The following LMX1B variants were observed in gnomAD, a reference collection of about 807,000 sequenced individuals.
The protein encoded by LMX1B is LIM homeobox transcription factor 1-beta.
In LMX1B, 12 loss-of-function variants were observed where a neutral mutation model predicts 51.4. That is an observed-to-expected ratio of 0.23 (90% CI 0.15 to 0.38). The LOEUF is 0.38. LMX1B is among the 10% of genes least tolerant of loss of function. The pLI is 1.00. For synonymous variants in LMX1B, 237 were observed against 235.4 expected, an observed-to-expected ratio of 1.01 and a Z score of -0.06; for missense variants, 445 against 571.1, an observed-to-expected ratio of 0.78 and a Z score of 2.25.
chr9:126,655,991 A>T (rs550967865), intron 2 of LMX1B, among the ~76,000 whole-genome samples: 29 of 152,306 alleles, frequency 1.9e-4, no homozygotes, highest in African/African-American at 7.0e-4. Context: ...TCAAATCCCT[A>T]GAGTGTACGG....
chr9:126,664,234 C>A (rs921294539), intron 2 of LMX1B, among the ~76,000 whole-genome samples: 1 of 152,224 alleles, frequency 6.6e-6, no homozygotes, highest in Non-Finnish European at 1.5e-5. Context: ...TCCCCTCCCC[C>A]AACGCTCTGT....
chr9:126,615,323 G>C lies in LMX1B; in HGVS notation c.140-60G>C, dbSNP rs1286560840. 1 of 1,358,108 alleles carries C rather than the reference G, an allele frequency of 7.4e-7. No homozygotes were observed. Among genetic ancestry groups the C allele is most frequent in the African/African-American group, 1.5e-5 (1 of 65,862 alleles). The allele number at this position is 1,358,108 out of a possible 1,614,324, so 84.1% of individuals were successfully genotyped here. ...CGAGGGCTGTGGGCCCGGTGCGACC[G>C]GGACGCCGGGGCTGGGCCGGGCGGC... On this transcript the variant is annotated intron_variant, in intron 1 of 7. Coordinates refer to ENST00000373474, the MANE Select transcript of LMX1B (RefSeq NM_001174147.2). This position sits in a 1 kb window ranked among gnomAD's most constrained non-coding sequence, Gnocchi z 6.0.
At chr9:126,691,183 C>T in intron 3 of LMX1B, 115 bp downstream of exon 3, 2 of 728,022 alleles carry the variant, frequency 2.7e-6, no homozygotes, top group South Asian at 3.4e-5. Flanking sequence ...GAGCTGCACA[C>T]AGATGGTACA....
intron 2 of LMX1B, among the ~76,000 whole-genome samples, chr9:126,628,994 A>C (rs202217819): frequency 4.3e-4 from 1 of 2,344 alleles, no homozygotes; most frequent in South Asian, 0.25. Context: ...CAATTAGATT[A>C]AAAAAAAAAA....
In LMX1B at chr9:126,614,602, C is replaced by G. The variant is rs759483901; in HGVS notation, c.139+14C>G. ...GGGTGCTGCTGGGTGAGTGCGGGGT[C>G]GGAACGCCCGAGTGGTCTCGGGCGT... is the stretch of plus-strand genomic sequence containing the variant. On this transcript the variant is annotated intron_variant, in intron 1 of 7. Coordinates refer to ENST00000373474, the MANE Select transcript of LMX1B (RefSeq NM_001174147.2). 1 of 1,568,110 alleles carries G rather than the reference C, an allele frequency of 6.4e-7. No individual in the cohort carries two copies. Among genetic ancestry groups the G allele is most frequent in the African/African-American group, 1.4e-5 (1 of 73,460 alleles).
At position 126,618,812 on chromosome 9, in the gene LMX1B, G is replaced by T. The variant is rs1461738143; in HGVS notation, c.326+3243G>T. On this transcript the variant is annotated intron_variant, in intron 2 of 7. Coordinates refer to ENST00000373474, the MANE Select transcript of LMX1B (RefSeq NM_001174147.2). This position sits in a 1 kb window ranked among gnomAD's most constrained non-coding sequence, Gnocchi z 4.5. ...CTCCGGAAGGGGGGAGGGTCGGTGG[G>T]AGAGTCCAAAAATCTGTCACAAAAT... 6.6e-6 allele frequency among the ~76,000 whole-genome samples: 1 copy of T among 152,156 alleles called. No homozygotes were observed.
chr9:126,636,353 G>T (rs1463226447), intron 2 of LMX1B, among the ~76,000 whole-genome samples: 1 of 152,104 alleles, frequency 6.6e-6, no homozygotes, highest in African/African-American at 2.4e-5. Context: ...TGAGAGCAGA[G>T]GAATTATCCA....
intron 2 of LMX1B, among the ~76,000 whole-genome samples, chr9:126,635,131 C>A (rs1402852447): frequency 6.6e-6 from 1 of 152,200 alleles, no homozygotes; most frequent in Non-Finnish European, 1.5e-5. Context: ...GGACTGACAC[C>A]CAAAACCCAG....
chr9:126,679,718 C>T (rs1259527648), intron 2 of LMX1B, among the ~76,000 whole-genome samples: 1 of 152,140 alleles, frequency 6.6e-6, no homozygotes, highest in Non-Finnish European at 1.5e-5. Context: ...CCAACCTGAC[C>T]CACTATCTTC....
intron 2 of LMX1B, among the ~76,000 whole-genome samples, chr9:126,647,609 G>A (rs1329531950): frequency 2.0e-5 from 3 of 152,206 alleles, no homozygotes; most frequent in Admixed American, 6.5e-5. Flanking sequence ...CAGTGGCTCA[G>A]GGTGCTGAAG....
chr9:126,614,368 G>T lies in LMX1B; in HGVS notation c.-82G>T. 1 of 1,103,570 alleles carries T rather than the reference G, an allele frequency of 9.1e-7. No homozygotes were observed. The allele number at this position is 1,103,570 out of a possible 1,614,324, so 68.4% of individuals were successfully genotyped here. Reference sequence around the variant, plus strand: ...CGGGGGCCGCGCCTCCCCGGTTCCAGGGCCGCGGCGGCGGAGAGCGGGTGG... The same window carrying T: ...CGGGGGCCGCGCCTCCCCGGTTCCATGGCCGCGGCGGCGGAGAGCGGGTGG... On this transcript the variant is annotated 5_prime_UTR_variant, in exon 1 of 8. The change creates a new upstream start codon in the 5' untranslated region. Transcript: ENST00000373474.
chr9:126,679,584 ATGGG>A (rs1193180668), intron 2 of LMX1B, among the ~76,000 whole-genome samples: 10 of 151,868 alleles, frequency 6.6e-5, no homozygotes, highest in African/African-American at 2.2e-4. Flanking sequence ...GCATGGATGG[ATGGG>A]TGGATAAATG....
At chr9:126,636,859 G>A (rs1835721510) in intron 2 of LMX1B, among the ~76,000 whole-genome samples, 2 of 152,220 alleles carry the variant, frequency 1.3e-5, no homozygotes, top group African/African-American at 4.8e-5. Context: ...GTGGCTGTGT[G>A]TGCGTGCATG....
chr9:126,672,995 C>A (rs1432177080), intron 2 of LMX1B, among the ~76,000 whole-genome samples: 1 of 152,264 alleles, frequency 6.6e-6, no homozygotes, highest in Non-Finnish European at 1.5e-5. Flanking sequence ...TCCTCGCCCA[C>A]ACAAAGCAAG....
intron 2 of LMX1B, among the ~76,000 whole-genome samples, chr9:126,663,233 C>T (rs1220134566): frequency 1.3e-5 from 2 of 151,860 alleles, no homozygotes; most frequent in African/African-American, 4.8e-5. Flanking sequence ...TCGAGACCAG[C>T]CTGACCAACA....
At chr9:126,632,708 G>A (rs977629379) in intron 2 of LMX1B, among the ~76,000 whole-genome samples, 1 of 152,146 alleles carries the variant, frequency 6.6e-6, no homozygotes, top group African/African-American at 2.4e-5. Flanking sequence ...GCTTGGAGCT[G>A]GGGTGGCTGG....
At chr9:126,634,847 G>A (rs1459503894) in intron 2 of LMX1B, among the ~76,000 whole-genome samples, 1 of 152,190 alleles carries the variant, frequency 6.6e-6, no homozygotes, top group Non-Finnish European at 1.5e-5. Flanking sequence ...CGAAAGGGGA[G>A]GAGGAGGGCT....
intron 2 of LMX1B, among the ~76,000 whole-genome samples, chr9:126,629,304 G>A (rs564593561): frequency 6.6e-6 from 1 of 152,332 alleles, no homozygotes; most frequent in African/African-American, 2.4e-5. Flanking sequence ...CCTGGAGCAT[G>A]CACGACAGCA....
intron 2 of LMX1B, among the ~76,000 whole-genome samples, chr9:126,647,342 C>G (rs1382510617): frequency 6.6e-6 from 1 of 152,210 alleles, no homozygotes; most frequent in Non-Finnish European, 1.5e-5. Flanking sequence ...ATAACTTCCT[C>G]TGGACATCGT....
Sources: allele counts gnomAD v4.1 joint callset (sites outside exome capture counted in the v4.1 genomes callset), GRCh38; gene constraint gnomAD v4.1.1; non-coding constraint Gnocchi (gnomAD v3.1); transcripts MANE v1.5; gene names NCBI Gene and HGNC (gene_info 2026-07-23, HGNC 2026-07-21).